The following DHRSX variants were observed in gnomAD, a reference collection of about 807,000 sequenced individuals.
DHRSX encodes dehydrogenase/reductase X-linked.
A neutral mutation model predicts 34.0 loss-of-function variants in DHRSX; 31 were observed. The ratio of observed to expected loss-of-function variants is 0.91; its 90% CI spans 0.69 to 1.23. The LOEUF is 1.23. Ranked by LOEUF, DHRSX falls within the 50% of genes most tolerant of loss-of-function variation. DHRSX has a pLI of 0.00. For missense variants in DHRSX, 414 were observed against 428.1 expected (o/e 0.97, Z 0.29); for synonymous variants, 201 against 183.8 (o/e 1.09, Z -0.76).
chrX:2,495,930 A>G (rs1186356479), intron 1 of DHRSX, among the ~76,000 whole-genome samples: 1 of 152,186 alleles, frequency 6.6e-6, no homozygotes, highest in Non-Finnish European at 1.5e-5. Flanking sequence ...AAGCAGAGGA[A>G]GGAGCCAGCC....
intron 6 of DHRSX, among the ~76,000 whole-genome samples, chrX:2,227,415 G>A (rs763194220): frequency 6.7e-6 from 1 of 150,108 alleles, no homozygotes; most frequent in Non-Finnish European, 1.5e-5. Context: ...GAAGCATAAT[G>A]GGAGGGAAGG....
intron 3 of DHRSX, among the ~76,000 whole-genome samples, chrX:2,324,946 G>GTTT (rs777086783): frequency 6.5e-5 from 9 of 137,894 alleles, no homozygotes; most frequent in Admixed American, 2.2e-4. Context: ...TTTTTGTTTT[G>GTTT]TTTTTTTTTT....
At chrX:2,251,759 G>A (rs895078777) in intron 5 of DHRSX, among the ~76,000 whole-genome samples, 4 of 152,106 alleles carry the variant, frequency 2.6e-5, no homozygotes, top group African/African-American at 9.7e-5. Flanking sequence ...AGGTTTACCC[G>A]ATTTCTGCTG....
At chrX:2,371,456 T>A (rs867036864) in intron 3 of DHRSX, among the ~76,000 whole-genome samples, 1,682 of 116,456 alleles carry the variant, frequency 0.014, 47 homozygotes, top group African/African-American at 0.053. Flanking sequence ...GTTACTATAG[T>A]CCCTCCTCGT....
chrX:2,437,597 C>T (rs1324233046), intron 1 of DHRSX, among the ~76,000 whole-genome samples: 1 of 128,104 alleles, frequency 7.8e-6, no homozygotes, highest in African/African-American at 3.0e-5. Context: ...GAGCAAGACC[C>T]TGTCTCAAAA....
chrX:2,228,349 G>A (rs866616041), intron 6 of DHRSX, among the ~76,000 whole-genome samples: 1 of 7,840 alleles, frequency 1.3e-4, no homozygotes, highest in Admixed American at 1.1e-3. Context: ...GGGAGGGAGG[G>A]AGGGAGGAAG....
intron 6 of DHRSX, among the ~76,000 whole-genome samples, chrX:2,242,013 T>G (rs1273177021): frequency 6.6e-6 from 1 of 152,076 alleles, no homozygotes; most frequent in Non-Finnish European, 1.5e-5. Context: ...TCATTTACTA[T>G]TTGGAATCCT....
intron 1 of DHRSX, among the ~76,000 whole-genome samples, chrX:2,443,033 T>G (rs2044082304): frequency 1.3e-5 from 2 of 151,976 alleles, no homozygotes; most frequent in Non-Finnish European, 2.9e-5. Context: ...TCATTTTACT[T>G]TTTATTTGTG....
intron 3 of DHRSX, among the ~76,000 whole-genome samples, chrX:2,340,737 G>A (rs1044185571): frequency 5.3e-5 from 8 of 152,220 alleles, no homozygotes; most frequent in South Asian, 4.1e-4. Flanking sequence ...TCAATGGTTC[G>A]TGTCTACTAG....
At chrX:2,471,769 TC>T (rs1235821958) in intron 1 of DHRSX, among the ~76,000 whole-genome samples, 1 of 152,088 alleles carries the variant, frequency 6.6e-6, no homozygotes, top group Non-Finnish European at 1.5e-5. Context: ...CATCGCTTCA[TC>T]CATTTCTCAA....
chrX:2,497,996 C>T (rs1001020743), intron 1 of DHRSX, among the ~76,000 whole-genome samples: 1 of 152,158 alleles, frequency 6.6e-6, no homozygotes, highest in Admixed American at 6.5e-5. Flanking sequence ...GAGACAGACC[C>T]TCTTATGGGA....
At chrX:2,441,829 T>C (rs1452979700) in intron 1 of DHRSX, among the ~76,000 whole-genome samples, 5 of 152,216 alleles carry the variant, frequency 3.3e-5, no homozygotes, top group Non-Finnish European at 7.4e-5. Context: ...TCTCAGCACT[T>C]TGGGAGGCTG....
intron 3 of DHRSX, among the ~76,000 whole-genome samples, chrX:2,370,471 G>A (rs767526663): frequency 2.0e-4 from 31 of 151,764 alleles, no homozygotes; most frequent in Admixed American, 1.3e-3. Context: ...GCGCCCAGCT[G>A]AGGGCTTTGT....
intron 3 of DHRSX, among the ~76,000 whole-genome samples, chrX:2,357,290 GGTTGGTGT>G (rs2042867541): frequency 6.6e-6 from 1 of 151,974 alleles, no homozygotes; most frequent in South Asian, 2.1e-4. Flanking sequence ...CTGTGTGAGG[GGTTGGTGT>G]CCCTAACCCC....
intron 5 of DHRSX, among the ~76,000 whole-genome samples, chrX:2,244,088 T>A (rs932015592): frequency 1.3e-5 from 2 of 151,984 alleles, no homozygotes; most frequent in African/African-American, 4.8e-5. Context: ...GTCTTCTTGA[T>A]GAGTCTCAAA....
intron 4 of DHRSX, among the ~76,000 whole-genome samples, chrX:2,275,966 C>G (rs1346006241): frequency 6.6e-6 from 1 of 152,022 alleles, no homozygotes; most frequent in Non-Finnish European, 1.5e-5. Context: ...GCCTCAGGCT[C>G]CTGAGTAGCT....
At chrX:2,325,673 G>A (rs1327484517) in intron 3 of DHRSX, among the ~76,000 whole-genome samples, 1 of 151,802 alleles carries the variant, frequency 6.6e-6, no homozygotes, top group East Asian at 1.9e-4. Flanking sequence ...AACGATTAGG[G>A]TGGGCAACCA....
At chrX:2,259,089 A>G (rs780886635) in intron 5 of DHRSX, among the ~76,000 whole-genome samples, 1 of 152,236 alleles carries the variant, frequency 6.6e-6, no homozygotes, top group East Asian at 1.9e-4. Context: ...CCTGGCCAAC[A>G]TGGTGAACCC....
intron 1 of DHRSX, among the ~76,000 whole-genome samples, chrX:2,460,086 CAA>C (rs2044382055): frequency 6.6e-6 from 1 of 151,922 alleles, no homozygotes; most frequent in Non-Finnish European, 1.5e-5. Context: ...CCAGCCTGGG[CAA>C]AAAGAGCAAT....
Sources: gnomAD v4.1 joint callset for allele counts (sites outside exome capture counted in the v4.1 genomes callset) on GRCh38, gnomAD v4.1.1 for gene constraint, MANE v1.5 for transcripts, NCBI Gene and HGNC (gene_info 2026-07-23, HGNC 2026-07-21) for gene names.